Variants in PTPRT observed in about 807,000 individuals in gnomAD.
The protein encoded by PTPRT is receptor-type tyrosine-protein phosphatase T.
PTPRT carries 56 observed loss-of-function variants against 176.8 expected under a neutral mutation model. The observed-to-expected ratio is 0.32, with a 90% CI of 0.26 to 0.40. PTPRT has a LOEUF of 0.40. Among genes scored for constraint, PTPRT ranks in the 10% least tolerant of loss-of-function variants. The pLI, the probability that PTPRT is intolerant of heterozygous loss-of-function variation, is 1.00. For synonymous variants in PTPRT, 783 were observed against 739.0 expected (o/e 1.06, Z -0.96); for missense variants, 1,540 against 1,908.2 (o/e 0.81, Z 3.60).
chr20:42,114,209 C>T (rs940946147), intron 22 of PTPRT, among the ~76,000 whole-genome samples: 2 of 152,164 alleles, frequency 1.3e-5, no homozygotes, highest in African/African-American at 4.8e-5. Flanking sequence ...GGTGTGAATC[C>T]TGGTTGTACC....
downstream of PTPRT, among the ~76,000 whole-genome samples, chr20:42,067,868 C>G (rs775547145): frequency 1.1e-4 from 16 of 152,122 alleles, no homozygotes; most frequent in Non-Finnish European, 2.1e-4. Flanking sequence ...GCTAGTGTTC[C>G]CCTGAAAGCA....
intron 1 of PTPRT, among the ~76,000 whole-genome samples, chr20:43,094,192 A>G (rs961660168): frequency 2.1e-5 from 3 of 146,332 alleles, no homozygotes; most frequent in African/African-American, 7.7e-5. Flanking sequence ...GGTTCACGCC[A>G]TTCTCCTGCC....
At chr20:43,140,166 TA>T in intron 1 of PTPRT, among the ~76,000 whole-genome samples, 1 of 152,312 alleles carries the variant, frequency 6.6e-6, no homozygotes, top group South Asian at 2.1e-4. Flanking sequence ...TTACAACTGA[TA>T]AACCAGAAGA....
intron 11 of PTPRT, among the ~76,000 whole-genome samples, chr20:42,336,713 A>T (rs1291312818): frequency 3.9e-5 from 6 of 152,218 alleles, no homozygotes; most frequent in Non-Finnish European, 8.8e-5. Flanking sequence ...ATAACAAAAA[A>T]AACTGGAAAT....
At chr20:42,876,644 G>T (rs2078936475) in intron 2 of PTPRT, among the ~76,000 whole-genome samples, 1 of 152,186 alleles carries the variant, frequency 6.6e-6, no homozygotes, top group Non-Finnish European at 1.5e-5. Flanking sequence ...CCACGAAAAT[G>T]CCAAAGCAAG....
At chr20:42,765,924 G>A (rs376813068) in intron 5 of PTPRT, among the ~76,000 whole-genome samples, 81 of 152,064 alleles carry the variant, frequency 5.3e-4, no homozygotes, top group African/African-American at 1.9e-3. Context: ...GAACACAATT[G>A]CAGATACATT....
chr20:42,206,762 G>A (rs6124429), intron 15 of PTPRT, among the ~76,000 whole-genome samples: 47,107 of 152,190 alleles, frequency 0.31, 8,264 homozygotes, highest in East Asian at 0.37. Flanking sequence ...CCGGAAGCTC[G>A]AACTGGGTGA....
chr20:42,366,343 G>T (rs1235590044), intron 9 of PTPRT, among the ~76,000 whole-genome samples: 4 of 152,140 alleles, frequency 2.6e-5, no homozygotes, highest in Admixed American at 6.6e-5. Flanking sequence ...CCAGACCCCT[G>T]CCCCAGTCTA....
intron 7 of PTPRT, among the ~76,000 whole-genome samples, chr20:42,505,966 A>T (rs2071836698): frequency 6.6e-6 from 1 of 152,098 alleles, no homozygotes; most frequent in African/African-American, 2.4e-5. Flanking sequence ...AGTTGAAAAG[A>T]TTTTCTATGC....
rs374056635 is a variant in PTPRT at position 42,158,818 on chromosome 20, A to T, written c.2682+2534T>A. On this transcript the variant is annotated intron_variant, in intron 17 of 30. Transcript: ENST00000373187. The stretch of plus-strand genomic sequence containing the variant: ...ATTTGGACTAATTGAGGCCAAGGCT[A>T]GCCTAGTTAGATTTCTGGTTGAGAT... Among the ~76,000 whole-genome samples, 23 of 152,378 alleles carry T rather than the reference A, an allele frequency of 1.5e-4. No homozygotes were observed. The East Asian group carries it at 3.3e-3, about 22-fold the overall frequency.
At chr20:42,348,368 T>TC in intron 11 of PTPRT, among the ~76,000 whole-genome samples, 1 of 142,274 alleles carries the variant, frequency 7.0e-6, no homozygotes, top group African/African-American at 2.6e-5. Context: ...CAGTGACATT[T>TC]CTTTTATTTA....
At chr20:42,721,455 T>C (rs2076301519) in intron 6 of PTPRT, among the ~76,000 whole-genome samples, 1 of 152,114 alleles carries the variant, frequency 6.6e-6, no homozygotes, top group Non-Finnish European at 1.5e-5. Flanking sequence ...CGAATATGTG[T>C]AATGCTGTTG....
chr20:42,476,629 GTTTGTATTCC>G (rs1315480012), intron 7 of PTPRT, among the ~76,000 whole-genome samples: 3 of 152,232 alleles, frequency 2.0e-5, no homozygotes, highest in Non-Finnish European at 4.4e-5. Flanking sequence ...GGAAATCTCA[GTTTGTATTCC>G]AAAGGCAAGA....
At chr20:43,102,284 T>TCTCTCA (rs138696752) in intron 1 of PTPRT, among the ~76,000 whole-genome samples, 1 of 140,452 alleles carries the variant, frequency 7.1e-6, no homozygotes, top group African/African-American at 2.7e-5. Flanking sequence ...CACTCACACA[T>TCTCTCA]CACACACACA....
chr20:42,592,022 C>A (rs2073585606), intron 7 of PTPRT, among the ~76,000 whole-genome samples: 1 of 145,748 alleles, frequency 6.9e-6, no homozygotes, highest in South Asian at 2.2e-4. Context: ...CTCTGTTGCC[C>A]AGGCTGGAGT....
intron 11 of PTPRT, among the ~76,000 whole-genome samples, chr20:42,333,311 A>G (rs1041641387): frequency 6.6e-6 from 1 of 152,182 alleles, no homozygotes; most frequent in African/African-American, 2.4e-5. Flanking sequence ...GGAAATAAAA[A>G]TATATTATTT....
At chr20:42,991,873 C>T (rs773153810) in intron 1 of PTPRT, among the ~76,000 whole-genome samples, 6 of 152,122 alleles carry the variant, frequency 3.9e-5, no homozygotes, top group Non-Finnish European at 7.3e-5. Context: ...AAATTTAAAA[C>T]CAGGTTCAAA....
chr20:42,569,084 ATATATAT>A (rs2073105368), intron 7 of PTPRT, among the ~76,000 whole-genome samples: 19 of 55,010 alleles, frequency 3.5e-4, no homozygotes, highest in African/African-American at 1.7e-3. Flanking sequence ...AAAAAAAAAT[ATATATAT>A]ATATATATAT....
intron 1 of PTPRT, among the ~76,000 whole-genome samples, chr20:43,079,649 ATCT>A (rs987443829): frequency 1.8e-4 from 28 of 152,094 alleles, no homozygotes; most frequent in African/African-American, 6.8e-4. Context: ...GTGAATAAAC[ATCT>A]TCTATTATAT....
Sources: allele counts gnomAD v4.1 joint callset (sites outside exome capture counted in the v4.1 genomes callset), GRCh38; gene constraint gnomAD v4.1.1; transcripts MANE v1.5; gene names NCBI Gene and HGNC (gene_info 2026-07-23, HGNC 2026-07-21).